RBM19: variants seen among roughly 807,000 people sequenced by gnomAD.
The protein encoded by RBM19 is probable RNA-binding protein 19.
RBM19 carries 94 observed loss-of-function variants against 116.8 expected under a neutral mutation model. The observed-to-expected ratio is 0.80, with a 90% CI of 0.68 to 0.95. The LOEUF is 0.95. RBM19 is among the 40% of genes least tolerant of loss of function. The pLI, the probability that RBM19 is intolerant of heterozygous loss-of-function variation, is 0.00. For missense variants in RBM19, 1,161 were observed against 1,220.7 expected (o/e 0.95, Z 0.73); for synonymous variants, 475 against 494.1 (o/e 0.96, Z 0.51).
chr12:113,873,853 G>A (rs1046506528), intron 21 of RBM19, among the ~76,000 whole-genome samples: 18 of 152,184 alleles, frequency 1.2e-4, no homozygotes, highest in Non-Finnish European at 1.9e-4. Flanking sequence ...CGCATGGTGC[G>A]GGTGATGAGC....
In RBM19 at chr12:113,939,977, G is replaced by C. The variant is rs767626338; in HGVS notation, c.1921C>G (p.His641Asp). The C allele has an allele frequency of 9.9e-6, 16 of 1,614,028 alleles. No individual in the cohort carries two copies. In the South Asian group the frequency reaches 1.4e-4, roughly 14 times the overall value. Residue 641 changes from histidine (H) to aspartate (D), a missense_variant, in exon 15 of 24, where the codon CAT becomes GAT. Transcript: ENST00000261741. ...EPLEARKAFR[H>D]LAYSKFHHVP... Reference sequence around the variant, plus strand: ...AGCCCTACCTTGGAATAGGCCAGATGCCTGAAGGCCTTGCGGGCCTCCAGG... The same window carrying C: ...AGCCCTACCTTGGAATAGGCCAGATCCCTGAAGGCCTTGCGGGCCTCCAGG...
At chr12:113,930,627 C>G (rs1246814621) in intron 16 of RBM19, among the ~76,000 whole-genome samples, 2 of 152,348 alleles carry the variant, frequency 1.3e-5, no homozygotes, top group South Asian at 4.1e-4. Context: ...CTTACCCTCC[C>G]CTTCGGGAGG....
intron 21 of RBM19, among the ~76,000 whole-genome samples, chr12:113,870,296 G>A (rs1879121822): frequency 6.6e-6 from 1 of 152,174 alleles, no homozygotes; most frequent in Non-Finnish European, 1.5e-5. Flanking sequence ...GCTCAACTTC[G>A]CAGCACCTGC....
intron 21 of RBM19, among the ~76,000 whole-genome samples, chr12:113,868,571 G>C (rs985181863): frequency 6.6e-6 from 1 of 152,134 alleles, no homozygotes; most frequent in Non-Finnish European, 1.5e-5. Flanking sequence ...TAAGATGTTA[G>C]GTGCATGGAG....
chr12:113,827,532 G>T (rs1269256625), intron 23 of RBM19, among the ~76,000 whole-genome samples: 1 of 146,780 alleles, frequency 6.8e-6, no homozygotes, highest in Non-Finnish European at 1.5e-5. Flanking sequence ...GGGCGGGGGG[G>T]TGCGTCGGGA....
In RBM19 at chr12:113,945,936, A is replaced by G; in HGVS notation, c.1530-12T>C. On this transcript the variant is annotated splice_polypyrimidine_tract_variant and intron_variant, in intron 12 of 23. Transcript: ENST00000261741. The stretch of plus-strand genomic sequence containing the variant: ...TCCAGTTGTGAGAGCTAAGAGGCAG[A>G]GGCAGAACAGGGAGATCAGACCGCA... 6.5e-7 allele frequency: 1 copy of G among 1,540,256 alleles called. No homozygotes were observed. Among genetic ancestry groups the G allele is most frequent in the Non-Finnish European group, 9.0e-7 (1 of 1,113,166 alleles).
At chr12:113,907,089 G>A (rs568278909) in intron 21 of RBM19, among the ~76,000 whole-genome samples, 111 of 152,162 alleles carry the variant, frequency 7.3e-4, no homozygotes, top group Non-Finnish European at 1.2e-3. Context: ...CCTTGAACTG[G>A]GACTTCTGGC....
intron 17 of RBM19, among the ~76,000 whole-genome samples, chr12:113,926,382 C>A (rs1869073156): frequency 6.6e-6 from 1 of 152,182 alleles, no homozygotes; most frequent in South Asian, 2.1e-4. Flanking sequence ...AACTGAAAAA[C>A]CCACTGAGTG....
intron 1 of RBM19, 158 bp downstream of exon 1, chr12:113,966,034 G>A (rs1422691006): frequency 5.2e-6 from 4 of 762,776 alleles, no homozygotes; most frequent in Non-Finnish European, 8.6e-6. Flanking sequence ...GGGATCAAAT[G>A]GGGATAAGCC....
At chr12:113,905,461 T>C (rs1881978451) in intron 21 of RBM19, among the ~76,000 whole-genome samples, 1 of 152,170 alleles carries the variant, frequency 6.6e-6, no homozygotes, top group African/African-American at 2.4e-5. Context: ...GCCAGATGGA[T>C]TGCATACCTT....
At chr12:113,851,409 G>A (rs1877435174) in intron 22 of RBM19, among the ~76,000 whole-genome samples, 1 of 152,178 alleles carries the variant, frequency 6.6e-6, no homozygotes, top group South Asian at 2.1e-4. Context: ...TTGGACCTCT[G>A]CAAGTTTATA....
At chr12:113,819,962 A>G (rs1319244627), downstream of RBM19, among the ~76,000 whole-genome samples, 1 of 152,176 alleles carries the variant, frequency 6.6e-6, no homozygotes, top group African/African-American at 2.4e-5. Flanking sequence ...TTGACAGGGT[A>G]AAAGGCTCTG....
chr12:113,840,967 C>T (rs11066780), intron 23 of RBM19, among the ~76,000 whole-genome samples: 5,177 of 152,324 alleles, frequency 0.034, 284 homozygotes, highest in African/African-American at 0.11. Flanking sequence ...TCTGCTCCCC[C>T]CTGGGGCCTT....
chr12:113,872,414 C>G (rs1324403891), intron 21 of RBM19, among the ~76,000 whole-genome samples: 1 of 146,576 alleles, frequency 6.8e-6, no homozygotes, highest in Non-Finnish European at 1.5e-5. Context: ...GCCCTCCGCC[C>G]GGCCAGCCGC....
rs559058770 is a variant in RBM19 at position 113,889,916 on chromosome 12, G to A, written c.2558+25053C>T. On this transcript the variant is annotated intron_variant, in intron 21 of 23. Transcript: ENST00000261741. Reference sequence around the variant, plus strand: ...GGAAAAAAAAAAACAAAGAAAAGGCGTAATCGATCAGAGAGCCTCAGCGCT... The same window carrying A: ...GGAAAAAAAAAAACAAAGAAAAGGCATAATCGATCAGAGAGCCTCAGCGCT... 8.6e-5 allele frequency among the ~76,000 whole-genome samples: 13 copies of A among 151,436 alleles called. No individual in the cohort carries two copies. In the South Asian group the frequency reaches 1.7e-3, roughly 19 times the overall value.
intron 22 of RBM19, among the ~76,000 whole-genome samples, chr12:113,853,094 T>G (rs1341982549): frequency 1.3e-5 from 2 of 152,150 alleles, no homozygotes; most frequent in African/African-American, 4.8e-5. Flanking sequence ...CACAGAACAC[T>G]CCTCGAGAGG....
chr12:113,964,225 C>G (rs1396326516), intron 1 of RBM19, among the ~76,000 whole-genome samples: 2 of 152,252 alleles, frequency 1.3e-5, no homozygotes, highest in African/African-American at 4.8e-5. Context: ...CTATAAATTA[C>G]ACCAGTGTGT....
Position 113,903,944 on chromosome 12 carries a change from T to C in RBM19, c.2558+11025A>G, listed in dbSNP as rs959017615. On this transcript the variant is annotated intron_variant, in intron 21 of 23. Coordinates refer to ENST00000261741, the MANE Select transcript of RBM19 (RefSeq NM_016196.4). This position sits in a 1 kb window ranked among gnomAD's most constrained non-coding sequence, Gnocchi z 5.1. ...CTGGGATCCGGACCATGGGATTCTG[T>C]TGAGCTACATCCCACAGCTGGTTAA... Among the ~76,000 whole-genome samples the C allele has an allele frequency of 6.6e-6, 1 of 152,238 alleles. No homozygotes were observed. The highest frequency in any genetic ancestry group is 6.5e-5 in the Admixed American group (1 of 15,276).
intron 20 of RBM19, among the ~76,000 whole-genome samples, chr12:113,918,179 A>C (rs1566015988): frequency 6.6e-6 from 1 of 152,194 alleles, no homozygotes; most frequent in African/African-American, 2.4e-5. Context: ...CATTCACCCA[A>C]AGGACTAACA....
Sources: gnomAD v4.1 joint callset for allele counts (sites outside exome capture counted in the v4.1 genomes callset) on GRCh38, gnomAD v4.1.1 for gene constraint, Gnocchi (gnomAD v3.1) non-coding constraint, MANE v1.5 for transcripts, NCBI Gene and HGNC (gene_info 2026-07-23, HGNC 2026-07-21) for gene names.